Variants in GALNT17 observed in about 807,000 individuals in gnomAD.
GALNT17 encodes the protein polypeptide N-acetylgalactosaminyltransferase 17.
A neutral mutation model predicts 63.7 loss-of-function variants in GALNT17; 29 were observed. The observed-to-expected ratio is 0.46, with a 90% CI of 0.34 to 0.62. GALNT17 has a LOEUF of 0.62. Ranked by LOEUF, GALNT17 falls within the 20% of genes least tolerant of loss-of-function variation. GALNT17 has a pLI of 0.01. For missense variants in GALNT17, 603 were observed against 799.6 expected, an observed-to-expected ratio of 0.75 and a Z score of 2.97; for synonymous variants, 305 against 318.3, an observed-to-expected ratio of 0.96 and a Z score of 0.45.
intron 6 of GALNT17, among the ~76,000 whole-genome samples, chr7:71,634,400 G>A (rs1373224100): frequency 6.6e-6 from 1 of 152,200 alleles, no homozygotes; most frequent in Admixed American, 6.5e-5. Context: ...GCCCAAGGTG[G>A]TTGGGGCGCA....
chr7:71,326,559 A>G (rs1472546963), intron 1 of GALNT17, among the ~76,000 whole-genome samples: 1 of 152,154 alleles, frequency 6.6e-6, no homozygotes, highest in African/African-American at 2.4e-5. Flanking sequence ...TGCCACTTAT[A>G]TATGTCTTAT....
chr7:71,273,962 A>C (rs2115712546), intron 1 of GALNT17, among the ~76,000 whole-genome samples: 1 of 152,338 alleles, frequency 6.6e-6, no homozygotes, highest in Middle Eastern at 3.4e-3. Flanking sequence ...AGGGATGTGC[A>C]CCCACAGAAA....
At chr7:71,452,881 G>C (rs1787288794) in intron 5 of GALNT17, among the ~76,000 whole-genome samples, 2 of 152,162 alleles carry the variant, frequency 1.3e-5, no homozygotes, top group African/African-American at 4.8e-5. Flanking sequence ...TGTTTTCTCT[G>C]TGCTGAATCA....
intron 6 of GALNT17, among the ~76,000 whole-genome samples, chr7:71,641,297 G>GGT (rs1790599505): frequency 6.6e-6 from 1 of 152,330 alleles, no homozygotes; most frequent in African/African-American, 2.4e-5. Flanking sequence ...TAACTTAATA[G>GGT]GTGTGTGTCT....
chr7:71,277,322 T>C (rs1323872924), intron 1 of GALNT17, among the ~76,000 whole-genome samples: 1 of 152,060 alleles, frequency 6.6e-6, no homozygotes, highest in East Asian at 1.9e-4. Flanking sequence ...ATGGAAATGA[T>C]AGACACTGGG....
intron 1 of GALNT17, among the ~76,000 whole-genome samples, chr7:71,155,813 T>C (rs1788224973): frequency 6.6e-6 from 1 of 151,774 alleles, no homozygotes; most frequent in African/African-American, 2.4e-5. Flanking sequence ...TTAAGTAGAG[T>C]AGGAAGTAGG....
chr7:71,396,607 G>T (rs1793143993), intron 3 of GALNT17, among the ~76,000 whole-genome samples: 1 of 151,956 alleles, frequency 6.6e-6, no homozygotes, highest in Non-Finnish European at 1.5e-5. Flanking sequence ...TGGGTTCCTT[G>T]CATTTACATA....
intron 2 of GALNT17, among the ~76,000 whole-genome samples, chr7:71,345,915 G>A (rs1792082957): frequency 6.6e-6 from 1 of 151,844 alleles, no homozygotes; most frequent in African/African-American, 2.4e-5. Flanking sequence ...GGGTGTGGGG[G>A]CTCATGCCTG....
At chr7:71,317,395 T>C (rs1428921298) in intron 1 of GALNT17, among the ~76,000 whole-genome samples, 1 of 152,172 alleles carries the variant, frequency 6.6e-6, no homozygotes, top group Admixed American at 6.5e-5. Context: ...GTTGCAGACG[T>C]TGATTCTACT....
chr7:71,524,207 G>C (rs930108585), intron 5 of GALNT17, among the ~76,000 whole-genome samples: 2 of 147,548 alleles, frequency 1.4e-5, no homozygotes, highest in Admixed American at 6.8e-5. Flanking sequence ...ATAGTAACTA[G>C]TTATTAACTA....
intron 5 of GALNT17, among the ~76,000 whole-genome samples, chr7:71,445,941 A>G (rs1054250985): frequency 6.6e-6 from 1 of 152,222 alleles, no homozygotes; most frequent in African/African-American, 2.4e-5. Flanking sequence ...GTATTTTCTT[A>G]AAAGTAACTT....
intron 9 of GALNT17, among the ~76,000 whole-genome samples, chr7:71,691,580 T>C (rs1054365815): frequency 6.6e-6 from 1 of 152,240 alleles, no homozygotes; most frequent in Non-Finnish European, 1.5e-5. Context: ...TGAGCTATTC[T>C]TTCCAGGAAA....
chr7:71,674,562 A>G (rs527578368), intron 8 of GALNT17, among the ~76,000 whole-genome samples: 33 of 151,872 alleles, frequency 2.2e-4, no homozygotes, highest in Non-Finnish European at 4.1e-4. Context: ...GTCACCCAAG[A>G]TGGAATCCAG....
In GALNT17 at chr7:71,338,647, T is replaced by C. The variant is rs929354726; in HGVS notation, c.422+2914T>C. ...GAGGATGGACATAGTGTCAAGATGCTGGAGAGAAAACCCCTGTGTTCCAGG... is the reference window on the plus strand; with the variant it reads ...GAGGATGGACATAGTGTCAAGATGCCGGAGAGAAAACCCCTGTGTTCCAGG... On this transcript the variant is annotated intron_variant, in intron 2 of 10. Transcript: ENST00000333538. 2.6e-5 allele frequency among the ~76,000 whole-genome samples: 4 copies of C among 152,200 alleles called. No individual in the cohort carries two copies. The East Asian group carries it at 7.7e-4, about 29-fold the overall frequency.
Position 71,132,955 on chromosome 7 carries a change from C to T in GALNT17, c.153C>T (p.Leu51=). Reference sequence around the variant, plus strand: ...GGCCGCGCGCCGAGGTGGCCAACCTCAGCGCGCACAGCGCCAGCCCCATCC... The same window carrying T: ...GGCCGCGCGCCGAGGTGGCCAACCTTAGCGCGCACAGCGCCAGCCCCATCC... ...EIRPRAEVAN[L]SAHSASPIQD... is the part of the protein sequence containing the mutation. The change falls in exon 1 of 11, where the codon CTC becomes CTT. Residue 51 remains leucine (L), a synonymous_variant. Transcript: ENST00000333538. The T allele has an allele frequency of 6.2e-7, 1 of 1,609,944 alleles. No homozygotes were observed. Among genetic ancestry groups the T allele is most frequent in the Non-Finnish European group, 8.5e-7 (1 of 1,179,314 alleles).
intron 5 of GALNT17, among the ~76,000 whole-genome samples, chr7:71,549,175 A>G (rs1176493841): frequency 6.6e-6 from 1 of 152,064 alleles, no homozygotes; most frequent in Non-Finnish European, 1.5e-5. Flanking sequence ...TTCTGGATAT[A>G]TGTTCCTTTG....
At position 71,416,058 on chromosome 7, in the gene GALNT17, T is replaced by C; in HGVS notation, c.759T>C (p.Ala253=). ...TTGATGCCCACGTGGAATTCACCGC[T>C]GGCTGGTAGGTCATGAGCTGAAACT... ...GFFDAHVEFT[A]GWAEPVLSRI... Residue 253 remains alanine, a synonymous_variant, in exon 4 of 11, where the codon GCT becomes GCC. Transcript: ENST00000333538. The C allele has an allele frequency of 6.2e-7, 1 of 1,610,364 alleles. No individual in the cohort carries two copies. Among genetic ancestry groups the C allele is most frequent in the African/African-American group, 1.3e-5 (1 of 74,980 alleles).
chr7:71,337,176 A>C (rs1791923211), intron 2 of GALNT17, among the ~76,000 whole-genome samples: 1 of 152,182 alleles, frequency 6.6e-6, no homozygotes, highest in African/African-American at 2.4e-5. Flanking sequence ...TTATGAGCCT[A>C]TGATATCTCA....
intron 1 of GALNT17, among the ~76,000 whole-genome samples, chr7:71,301,511 C>T (rs1473618269): frequency 6.6e-6 from 1 of 150,882 alleles, no homozygotes; most frequent in Admixed American, 6.6e-5. Context: ...GAGGGATTTA[C>T]TTTTGCCATT....
Sources: allele counts gnomAD v4.1 joint callset (sites outside exome capture counted in the v4.1 genomes callset), GRCh38; gene constraint gnomAD v4.1.1; transcripts MANE v1.5; gene names NCBI Gene and HGNC (gene_info 2026-07-23, HGNC 2026-07-21).